RAD51B: variants seen among roughly 807,000 people sequenced by gnomAD.
The protein encoded by RAD51B is RAD51 paralog B, also known as DNA repair protein RAD51 homolog 2.
RAD51B carries 38 observed loss-of-function variants against 42.2 expected under a neutral mutation model. The observed-to-expected ratio is 0.90, with a 90% CI of 0.70 to 1.18. RAD51B has a LOEUF of 1.18. Ranked by LOEUF, RAD51B falls within the 50% of genes most tolerant of loss-of-function variation. The pLI, the probability that RAD51B is intolerant of heterozygous loss-of-function variation, is 0.00. For missense variants in RAD51B, 373 were observed against 400.7 expected (o/e 0.93, Z 0.59); for synonymous variants, 154 against 145.2 (o/e 1.06, Z -0.43).
intron 10 of RAD51B, among the ~76,000 whole-genome samples, chr14:68,604,228 G>A (rs868105267): frequency 5.9e-5 from 9 of 152,250 alleles, no homozygotes; most frequent in South Asian, 2.1e-4. Context: ...AGGGAGGCCC[G>A]GCCCACTCCC....
chr14:68,628,424 A>C (rs1035673864), intron 10 of RAD51B: 1 of 152,350 alleles, frequency 6.6e-6, no homozygotes, highest in East Asian at 1.9e-4. Context: ...GGCCCAGCAC[A>C]GTGCTTGGGG....
rs189485232 is a variant in RAD51B, at chr14:67,932,674, A to G, written c.756+45470A>G. ...GGAGAAGACCCTCTGGGTCCCAAGCAGTATGTGCTAATGTTGATGGTGGCT... is the reference window on the plus strand; with the variant it reads ...GGAGAAGACCCTCTGGGTCCCAAGCGGTATGTGCTAATGTTGATGGTGGCT... On this transcript the variant is annotated intron_variant, in intron 7 of 10. Transcript: ENST00000471583. Among the ~76,000 whole-genome samples the G allele has an allele frequency of 5.9e-5, 9 of 152,220 alleles. No individual in the cohort carries two copies. In the East Asian group the frequency reaches 1.7e-3, roughly 29 times the overall value.
chr14:68,166,168 C>CTTT (rs71129871), intron 7 of RAD51B, among the ~76,000 whole-genome samples: 109 of 132,002 alleles, frequency 8.3e-4, no homozygotes, highest in African/African-American at 2.4e-3. Context: ...TATTTCTGCT[C>CTTT]TTTTTTTTTT....
chr14:68,648,945 G>A (rs940698831), intron 10 of RAD51B, among the ~76,000 whole-genome samples: 2 of 152,136 alleles, frequency 1.3e-5, no homozygotes, highest in Non-Finnish European at 2.9e-5. Flanking sequence ...ATCAAGCAGA[G>A]TGCAGTCCTA....
intron 9 of RAD51B, among the ~76,000 whole-genome samples, chr14:68,443,149 C>G (rs1253375482): frequency 3.9e-5 from 6 of 152,206 alleles, no homozygotes; most frequent in African/African-American, 1.4e-4. Context: ...AATCCCAGGG[C>G]TGGAAACATT....
At chr14:68,306,050 C>T (rs902853643) in intron 8 of RAD51B, among the ~76,000 whole-genome samples, 3 of 152,220 alleles carry the variant, frequency 2.0e-5, no homozygotes, top group South Asian at 2.1e-4. Flanking sequence ...TTGGTTCCCA[C>T]ATCCGTCCCT....
chr14:68,049,212 TGGGGGGAGCGGGGA>T (rs1294581517), intron 7 of RAD51B, among the ~76,000 whole-genome samples: 1 of 139,430 alleles, frequency 7.2e-6, no homozygotes, highest in African/African-American at 2.7e-5. Context: ...TGTTGTGGGG[TGGGGGGAGCGGGGA>T]GGGATAGCAT....
chr14:68,332,562 A>G (rs954162016), intron 8 of RAD51B, among the ~76,000 whole-genome samples: 5 of 152,348 alleles, frequency 3.3e-5, no homozygotes, highest in African/African-American at 9.6e-5. Flanking sequence ...CTCCTGGCCT[A>G]CATGTTAAAA....
At chr14:68,648,167 A>G (rs867813578) in intron 10 of RAD51B, among the ~76,000 whole-genome samples, 8 of 109,122 alleles carry the variant, frequency 7.3e-5, no homozygotes, top group Admixed American at 1.8e-4. Flanking sequence ...ATATATATAT[A>G]TACACACGTA....
intron 7 of RAD51B, among the ~76,000 whole-genome samples, chr14:68,128,889 C>T (rs1416322804): frequency 1.3e-5 from 2 of 152,134 alleles, no homozygotes; most frequent in Non-Finnish European, 2.9e-5. Context: ...TTTTTCTTTA[C>T]TCTGAAAGGT....
chr14:68,341,195 T>A (rs1270172297), intron 8 of RAD51B, among the ~76,000 whole-genome samples: 1 of 152,160 alleles, frequency 6.6e-6, no homozygotes, highest in South Asian at 2.1e-4. Flanking sequence ...ATGCAAAAAA[T>A]GCATGATGAA....
intron 10 of RAD51B, among the ~76,000 whole-genome samples, chr14:68,583,175 A>G (rs1029091558): frequency 6.6e-6 from 1 of 152,206 alleles, no homozygotes; most frequent in African/African-American, 2.4e-5. Flanking sequence ...TTTAAAAAAG[A>G]AATGTCCTGC....
At chr14:67,965,420 T>C (rs1276290073) in intron 7 of RAD51B, among the ~76,000 whole-genome samples, 2 of 152,208 alleles carry the variant, frequency 1.3e-5, no homozygotes, top group Non-Finnish European at 2.9e-5. Flanking sequence ...TTATCTACTT[T>C]TAACCTTTCC....
intron 10 of RAD51B, among the ~76,000 whole-genome samples, chr14:68,475,651 A>C (rs1594890868): frequency 6.6e-6 from 1 of 151,812 alleles, no homozygotes; most frequent in African/African-American, 2.4e-5. Flanking sequence ...TAGACCAAAC[A>C]CTTTTTTTTT....
intron 11 of RAD51B, among the ~76,000 whole-genome samples, chr14:68,667,505 C>G (rs1379610610): frequency 6.9e-6 from 1 of 145,526 alleles, no homozygotes; most frequent in Non-Finnish European, 1.5e-5. Context: ...GACCAAATAG[C>G]TGGGCACCAT....
At chr14:68,505,129 C>G (rs1217720772) in intron 10 of RAD51B, among the ~76,000 whole-genome samples, 1 of 152,158 alleles carries the variant, frequency 6.6e-6, no homozygotes, top group Non-Finnish European at 1.5e-5. Flanking sequence ...CAGTTTTCAA[C>G]CTGGGATCCA....
chr14:68,477,103 C>T (rs978744229), intron 10 of RAD51B, among the ~76,000 whole-genome samples: 1 of 152,202 alleles, frequency 6.6e-6, no homozygotes, highest in African/African-American at 2.4e-5. Context: ...CCCACATCCA[C>T]TGGAACAAAG....
chr14:68,534,752 C>G (rs1248539259), intron 10 of RAD51B, among the ~76,000 whole-genome samples: 1 of 152,174 alleles, frequency 6.6e-6, no homozygotes, highest in East Asian at 1.9e-4. Context: ...GCTCCCACCC[C>G]CCCTAGATTG....
intron 7 of RAD51B, among the ~76,000 whole-genome samples, chr14:68,028,416 T>G (rs1353662356): frequency 6.6e-6 from 1 of 152,176 alleles, no homozygotes; most frequent in African/African-American, 2.4e-5. Context: ...TGCAGAGGGA[T>G]GCATGCCCTG....
Sources: allele counts gnomAD v4.1 joint callset (sites outside exome capture counted in the v4.1 genomes callset), GRCh38; gene constraint gnomAD v4.1.1; transcripts MANE v1.5; gene names NCBI Gene and HGNC (gene_info 2026-07-23, HGNC 2026-07-21).